The following SBF2 variants were observed in gnomAD, a reference collection of about 807,000 sequenced individuals.
The protein encoded by SBF2 is myotubularin-related protein 13.
In SBF2, 112 loss-of-function variants were observed where a neutral mutation model predicts 225.2. The observed-to-expected ratio is 0.50, with a 90% CI of 0.43 to 0.58. The LOEUF (loss-of-function observed/expected upper bound fraction) is 0.58, where lower values mean the gene tolerates loss of function less well. Ranked by LOEUF, SBF2 falls within the 20% of genes least tolerant of loss-of-function variation. The pLI is 0.00. For missense variants in SBF2, 1,996 were observed against 2,206.2 expected (o/e 0.90, Z 1.91); for synonymous variants, 763 against 773.3 (o/e 0.99, Z 0.22).
chr11:9,813,684 G>A (rs1854312839), intron 29 of SBF2, among the ~76,000 whole-genome samples: 2 of 152,160 alleles, frequency 1.3e-5, no homozygotes, highest in African/African-American at 4.8e-5. Context: ...GCTCATGACT[G>A]TAATCTCAGC....
At chr11:9,981,070 T>C (rs1285860128) in intron 13 of SBF2, among the ~76,000 whole-genome samples, 1 of 152,224 alleles carries the variant, frequency 6.6e-6, no homozygotes, top group East Asian at 1.9e-4. Context: ...GTATCCCTGC[T>C]TGTATCCAAT....
intron 2 of SBF2, among the ~76,000 whole-genome samples, chr11:10,108,770 C>T (rs940427698): frequency 8.2e-4 from 124 of 152,038 alleles, no homozygotes; most frequent in African/African-American, 2.4e-3. Context: ...GTGATCCGCC[C>T]GCCTCTGCCT....
At chr11:10,304,328 G>A (rs1964628012) in intron 1 of SBF2, among the ~76,000 whole-genome samples, 1 of 152,134 alleles carries the variant, frequency 6.6e-6, no homozygotes, top group African/African-American at 2.4e-5. Context: ...AGGCATAATA[G>A]GATTACAAGG....
chr11:10,128,000 A>C (rs1953841434), intron 2 of SBF2, among the ~76,000 whole-genome samples: 1 of 152,216 alleles, frequency 6.6e-6, no homozygotes, highest in Non-Finnish European at 1.5e-5. Context: ...GCATTAAATA[A>C]AATAATGAAT....
chr11:10,248,834 G>A (rs1471058322), intron 1 of SBF2, among the ~76,000 whole-genome samples: 3 of 152,226 alleles, frequency 2.0e-5, no homozygotes, highest in African/African-American at 4.8e-5. Context: ...GGAGGCTTAC[G>A]CCTGTAATCC....
At chr11:9,942,126 C>T (rs1865287995) in intron 16 of SBF2, among the ~76,000 whole-genome samples, 1 of 152,146 alleles carries the variant, frequency 6.6e-6, no homozygotes, top group African/African-American at 2.4e-5. Context: ...GGCTGGAGTG[C>T]GGTGGCACAA....
intron 1 of SBF2, among the ~76,000 whole-genome samples, chr11:10,232,249 A>G (rs2083715): frequency 0.5 from 75,416 of 152,110 alleles, 19,099 homozygotes; most frequent in Non-Finnish European, 0.55. Flanking sequence ...GACCCCTTGT[A>G]CTTCCCAGGT....
intron 1 of SBF2, among the ~76,000 whole-genome samples, chr11:10,285,793 T>C (rs1044484985): frequency 1.3e-5 from 2 of 152,190 alleles, no homozygotes; most frequent in African/African-American, 4.8e-5. Flanking sequence ...GTGCATTTTG[T>C]CCAATTCTTT....
chr11:10,003,710 T>G (rs562037712), intron 6 of SBF2, among the ~76,000 whole-genome samples: 9 of 152,038 alleles, frequency 5.9e-5, no homozygotes, highest in Non-Finnish European at 1.0e-4. Flanking sequence ...TTCTTTTCAA[T>G]TTCTCCTGTC....
intron 17 of SBF2, among the ~76,000 whole-genome samples, chr11:9,886,958 G>A (rs913374120): frequency 6.6e-6 from 1 of 152,102 alleles, no homozygotes; most frequent in Non-Finnish European, 1.5e-5. Context: ...TGGAGATTTT[G>A]ACTTGTTGGC....
intron 17 of SBF2, among the ~76,000 whole-genome samples, chr11:9,880,183 T>C (rs149681217): frequency 5.6e-4 from 83 of 147,050 alleles, no homozygotes; most frequent in African/African-American, 2.0e-3. Context: ...TTCCTTACTA[T>C]ACCACACAAC....
intron 2 of SBF2, among the ~76,000 whole-genome samples, chr11:10,092,553 T>C (rs1040396929): frequency 1.3e-5 from 2 of 152,222 alleles, no homozygotes; most frequent in Non-Finnish European, 2.9e-5. Flanking sequence ...CATGCAATCA[T>C]ATAACTCCAC....
intron 2 of SBF2, among the ~76,000 whole-genome samples, chr11:10,088,185 G>A (rs989357518): frequency 6.6e-6 from 1 of 151,672 alleles, no homozygotes; most frequent in South Asian, 2.1e-4. Context: ...CACCACGGCC[G>A]GCTAATTTTT....
At chr11:9,965,341 G>A (rs1174614284) in intron 14 of SBF2, among the ~76,000 whole-genome samples, 5 of 88,808 alleles carry the variant, frequency 5.6e-5, no homozygotes, top group African/African-American at 1.8e-4. Context: ...CACTCTTATT[G>A]CCCAGGCTGG....
chr11:10,256,264 G>GTAGTTTTAT (rs1178263473), intron 1 of SBF2, among the ~76,000 whole-genome samples: 2 of 152,180 alleles, frequency 1.3e-5, no homozygotes, highest in African/African-American at 4.8e-5. Context: ...TATTATGACT[G>GTAGTTTTAT]TAGTTTTATT....
At chr11:10,213,165 G>C (rs7930218) in intron 1 of SBF2, among the ~76,000 whole-genome samples, 3 of 152,128 alleles carry the variant, frequency 2.0e-5, no homozygotes, top group Non-Finnish European at 4.4e-5. Context: ...AAGACAGCCA[G>C]TACAGTACTT....
At chr11:10,161,758 G>C (rs181209021) in intron 2 of SBF2, among the ~76,000 whole-genome samples, 1 of 149,000 alleles carries the variant, frequency 6.7e-6, no homozygotes, top group African/African-American at 2.5e-5. Flanking sequence ...TTGAGGCTAA[G>C]AGCTCAAGAC....
intron 1 of SBF2, among the ~76,000 whole-genome samples, chr11:10,207,328 T>G (rs1218891009): frequency 2.6e-5 from 4 of 152,018 alleles, no homozygotes; most frequent in Non-Finnish European, 5.9e-5. Context: ...ACATTGAAGA[T>G]TGGCTGAAGG....
At chr11:9,794,382 A>C (rs1852957762) in intron 33 of SBF2, among the ~76,000 whole-genome samples, 1 of 152,136 alleles carries the variant, frequency 6.6e-6, no homozygotes, top group Non-Finnish European at 1.5e-5. Flanking sequence ...AGTCCACTTA[A>C]GACCAGGCCT....
Sources: gnomAD v4.1 joint callset for allele counts (sites outside exome capture counted in the v4.1 genomes callset) on GRCh38, gnomAD v4.1.1 for gene constraint, MANE v1.5 for transcripts, NCBI Gene and HGNC (gene_info 2026-07-23, HGNC 2026-07-21) for gene names.